Variants in NET1 observed in about 807,000 individuals in gnomAD.
NET1 encodes neuroepithelial cell transforming 1, also known as neuroepithelial cell-transforming gene 1 protein.
NET1 carries 42 observed loss-of-function variants against 61.1 expected under a neutral mutation model. The ratio of observed to expected loss-of-function variants is 0.69; its 90% CI spans 0.54 to 0.89. NET1 has a LOEUF of 0.89. Ranked by LOEUF, NET1 falls within the 40% of genes least tolerant of loss-of-function variation. The pLI is 0.00. For missense variants in NET1, 654 were observed against 747.3 expected, an observed-to-expected ratio of 0.88 and a Z score of 1.46; for synonymous variants, 254 against 281.8, an observed-to-expected ratio of 0.90 and a Z score of 0.99.
In NET1 at chr10:5,412,687, C is replaced by T; in HGVS notation, c.-6C>T. ...CCGGCCACCGCCCCACCCCCTCCTC[C>T]GTGCCATGGAGCCCGAGCTGGCGGC... On this transcript the variant is annotated 5_prime_UTR_variant, in exon 1 of 12. Coordinates refer to ENST00000355029, the MANE Select transcript of NET1 (RefSeq NM_001047160.3). This position sits in a 1 kb window ranked among gnomAD's most constrained non-coding sequence, Gnocchi z 6.5. 2.7e-6 allele frequency: 4 copies of T among 1,468,446 alleles called. No homozygotes were observed. Among genetic ancestry groups the T allele is most frequent in the Non-Finnish European group, 2.7e-6 (3 of 1,120,684 alleles). The allele number at this position is 1,468,446 out of a possible 1,614,324, so 91.0% of individuals were successfully genotyped here. A position where few individuals can be genotyped will look rare whatever the true frequency, so the allele number is the denominator to read the frequency against.
chr10:5,417,273 G>T lies in NET1; in HGVS notation c.128+4453G>T, dbSNP rs1832099334. Among the ~76,000 whole-genome samples the T allele has an allele frequency of 6.6e-6, 1 of 152,036 alleles. No individual in the cohort carries two copies. The highest frequency in any genetic ancestry group is 6.5e-5 in the Admixed American group (1 of 15,276). On this transcript the variant is annotated intron_variant, in intron 1 of 11. Coordinates refer to ENST00000355029, the MANE Select transcript of NET1 (RefSeq NM_001047160.3). The surrounding 1 kb of genome is among the most constrained non-coding windows in gnomAD (Gnocchi z 5.5). The stretch of plus-strand genomic sequence containing the variant: ...GGGGTTTTTATAGGCACAGGTGGGG[G>T]CGTGCTTTTATAGGCACAGGATGGG...
chr10:5,449,036 G>A lies in NET1; in HGVS notation c.256-2794G>A, dbSNP rs576094083. ...TGGGCCAATTTCTGACGTGTATTCC[G>A]AAAGACACAAATTTTTGTCCCAATC... On this transcript the variant is annotated intron_variant, in intron 3 of 11. Transcript: ENST00000355029. This position sits in a 1 kb window ranked among gnomAD's most constrained non-coding sequence, Gnocchi z 4.4. 4.3e-4 allele frequency among the ~76,000 whole-genome samples: 65 copies of A among 152,206 alleles called. No individual in the cohort carries two copies. The highest frequency in any genetic ancestry group is 1.3e-3 in the African/African-American group (56 of 41,532).
chr10:5,440,511 A>ATGAGG lies in NET1; in HGVS notation c.255+11283_255+11287dup, dbSNP rs1366898721. On this transcript the variant is annotated intron_variant, in intron 3 of 11. Coordinates refer to ENST00000355029, the MANE Select transcript of NET1 (RefSeq NM_001047160.3). This position sits in a 1 kb window ranked among gnomAD's most constrained non-coding sequence, Gnocchi z 4.1. ...TGTAAGAGGCACTCAGATAAACAGA[A>ATGAGG]TGAGGATCTAGTGGAGACTATCACT... is the stretch of plus-strand genomic sequence containing the variant. Among the ~76,000 whole-genome samples, 1 of 152,190 alleles carries ATGAGG rather than the reference A, an allele frequency of 6.6e-6. No homozygotes were observed. The highest frequency in any genetic ancestry group is 1.9e-4 in the East Asian group (1 of 5,202).
chr10:5,445,567 A>G (rs7068596), intron 3 of NET1, among the ~76,000 whole-genome samples: 6,625 of 152,278 alleles, frequency 0.044, 210 homozygotes, highest in South Asian at 0.16. Context: ...ACATACTACC[A>G]TCATATTATA....
Position 5,439,182 on chromosome 10 carries a change from C to T in NET1, c.255+9953C>T, listed in dbSNP as rs1025153359. On this transcript the variant is annotated intron_variant, in intron 3 of 11. Transcript: ENST00000355029. This position sits in a 1 kb window ranked among gnomAD's most constrained non-coding sequence, Gnocchi z 4.8. Reference sequence around the variant, plus strand: ...TATCTGTATGTCATGCCATTTCTCCCTTCACACAGAGTGAACAACCAAGTG... The same window carrying T: ...TATCTGTATGTCATGCCATTTCTCCTTTCACACAGAGTGAACAACCAAGTG... 2.2e-4 allele frequency among the ~76,000 whole-genome samples: 34 copies of T among 152,346 alleles called. No individual in the cohort carries two copies. Among genetic ancestry groups the T allele is most frequent in the African/African-American group, 7.9e-4 (33 of 41,584 alleles).
rs1832523927 is a variant in NET1, at chr10:5,441,443, CTTAAG to C, written c.256-10386_256-10382del. 6.6e-6 allele frequency among the ~76,000 whole-genome samples: 1 copy of C among 152,168 alleles called. No homozygotes were observed. Among genetic ancestry groups the C allele is most frequent in the Non-Finnish European group, 1.5e-5 (1 of 68,030 alleles). ...TATCCTTTTGTCTTTAGTTTGGGGC[CTTAAG>C]CTGAAGTTCAGGGAAAAATGGGAGG... On this transcript the variant is annotated intron_variant, in intron 3 of 11. Transcript: ENST00000355029. This position sits in a 1 kb window ranked among gnomAD's most constrained non-coding sequence, Gnocchi z 4.6.
rs749346073 is a variant in NET1, at chr10:5,454,611, A to T, written c.1026+89A>T. On this transcript the variant is annotated intron_variant, in intron 9 of 11. Transcript: ENST00000355029. This position sits in a 1 kb window ranked among gnomAD's most constrained non-coding sequence, Gnocchi z 8.1. Reference sequence around the variant, plus strand: ...TTATCTTCTGAAGATGCTGATTCACATCAGCATAGTGAATTGTTTTGTTGT... The same window carrying T: ...TTATCTTCTGAAGATGCTGATTCACTTCAGCATAGTGAATTGTTTTGTTGT... The T allele has an allele frequency of 7.0e-7, 1 of 1,430,420 alleles. No individual in the cohort carries two copies. The highest frequency in any genetic ancestry group is 9.5e-7 in the Non-Finnish European group (1 of 1,053,560). The allele number at this position is 1,430,420 out of a possible 1,614,324, so 88.6% of individuals were successfully genotyped here. A position where few individuals can be genotyped will look rare whatever the true frequency, so the allele number is the denominator to read the frequency against.
At position 5,453,655 on chromosome 10, in the gene NET1, C is replaced by G. The variant is rs2119214438; in HGVS notation, c.768+95C>G. 1 of 1,086,206 alleles carries G rather than the reference C, an allele frequency of 9.2e-7. No homozygotes were observed. Among genetic ancestry groups the G allele is most frequent in the East Asian group, 2.4e-5 (1 of 42,238 alleles). The allele number at this position is 1,086,206 out of a possible 1,614,324, so 67.3% of individuals were successfully genotyped here. A position where few individuals can be genotyped will look rare whatever the true frequency, so the allele number is the denominator to read the frequency against. ...ATGAGACAGATTTGATCCCACAACTCTGTTCTACAAACACATAAGGCGTTA... is the reference window on the plus strand; with the variant it reads ...ATGAGACAGATTTGATCCCACAACTGTGTTCTACAAACACATAAGGCGTTA... On this transcript the variant is annotated intron_variant, in intron 8 of 11. Coordinates refer to ENST00000355029, the MANE Select transcript of NET1 (RefSeq NM_001047160.3). The surrounding 1 kb of genome is among the most constrained non-coding windows in gnomAD (Gnocchi z 4.9).
In NET1 at chr10:5,458,803, T is replaced by C. The variant is rs899104544; in HGVS notation, c.*1809T>C. Among the ~76,000 whole-genome samples the C allele has an allele frequency of 6.6e-6, 1 of 152,218 alleles. No individual in the cohort carries two copies. The highest frequency in any genetic ancestry group is 2.4e-5 in the African/African-American group (1 of 41,442). On this transcript the variant is annotated 3_prime_UTR_variant, in exon 12 of 12. Coordinates refer to ENST00000355029, the MANE Select transcript of NET1 (RefSeq NM_001047160.3). The surrounding 1 kb of genome is among the most constrained non-coding windows in gnomAD (Gnocchi z 4.5). ...GTCTTTGGAAATTCACATTCATAAG[T>C]GTATATTACACCAATGATTGTGATC...
At position 5,456,055 on chromosome 10, in the gene NET1, T is replaced by G; in HGVS notation, c.1198-32T>G. ...TTTCAGTCACTTAAAAACACAAGTT[T>G]CCTATTTAGCGTTTGTTTCCCATTT... On this transcript the variant is annotated intron_variant, in intron 10 of 11. Transcript: ENST00000355029. The surrounding 1 kb of genome is among the most constrained non-coding windows in gnomAD (Gnocchi z 7.0). 6.3e-7 allele frequency: 1 copy of G among 1,581,294 alleles called. No individual in the cohort carries two copies. Among genetic ancestry groups the G allele is most frequent in the Non-Finnish European group, 8.6e-7 (1 of 1,160,354 alleles).
Position 5,456,423 on chromosome 10 carries a change from C to T in NET1, c.1384+150C>T, listed in dbSNP as rs1266747285. 9.7e-7 allele frequency: 1 copy of T among 1,027,114 alleles called. No homozygotes were observed. Among genetic ancestry groups the T allele is most frequent in the Admixed American group, 3.0e-5 (1 of 33,794 alleles). 63.6% of individuals were successfully genotyped at this position (1,027,114 alleles called of 1,614,324 possible). A position where few individuals can be genotyped will look rare whatever the true frequency, so the allele number is the denominator to read the frequency against. On this transcript the variant is annotated intron_variant, in intron 11 of 11. Coordinates refer to ENST00000355029, the MANE Select transcript of NET1 (RefSeq NM_001047160.3). This position sits in a 1 kb window ranked among gnomAD's most constrained non-coding sequence, Gnocchi z 7.0. The stretch of plus-strand genomic sequence containing the variant: ...GTTGTCCAGGCCTTCCCAGCTCGAA[C>T]ACCCGCAGGTGTATCTAAGAAATAA...
chr10:5,413,058 T>C (rs1832028946), intron 1 of NET1, among the ~76,000 whole-genome samples: 1 of 146,080 alleles, frequency 6.8e-6, no homozygotes, highest in African/African-American at 2.5e-5. Flanking sequence ...CGGGGGCCGC[T>C]GGAAGTGAGG....
Position 5,451,760 on chromosome 10 carries a change from C to T in NET1, c.256-70C>T. ...AAAATTGTTTTGTGAGAGGGCTTTACTTTGTCCAAGTTTGTATGAAATCAT... is the reference window on the plus strand; with the variant it reads ...AAAATTGTTTTGTGAGAGGGCTTTATTTTGTCCAAGTTTGTATGAAATCAT... On this transcript the variant is annotated intron_variant, in intron 3 of 11. Coordinates refer to ENST00000355029, the MANE Select transcript of NET1 (RefSeq NM_001047160.3). The surrounding 1 kb of genome is among the most constrained non-coding windows in gnomAD (Gnocchi z 6.1). 8.0e-7 allele frequency: 1 copy of T among 1,257,102 alleles called. No homozygotes were observed. The highest frequency in any genetic ancestry group is 1.1e-6 in the Non-Finnish European group (1 of 886,154). 77.9% of individuals were successfully genotyped at this position (1,257,102 alleles called of 1,614,324 possible). A position where few individuals can be genotyped will look rare whatever the true frequency, so the allele number is the denominator to read the frequency against.
chr10:5,426,749 G>A lies in NET1; in HGVS notation c.195+28G>A, dbSNP rs199941135. The A allele has an allele frequency of 1.1e-4, 166 of 1,488,486 alleles. No homozygotes were observed. The African/African-American group carries it at 2.1e-3, about 19-fold the overall frequency. The allele number at this position is 1,488,486 out of a possible 1,614,324, so 92.2% of individuals were successfully genotyped here. On this transcript the variant is annotated intron_variant, in intron 2 of 11. Coordinates refer to ENST00000355029, the MANE Select transcript of NET1 (RefSeq NM_001047160.3). This position sits in a 1 kb window ranked among gnomAD's most constrained non-coding sequence, Gnocchi z 4.6. The stretch of plus-strand genomic sequence containing the variant: ...GAGTAGATACCTGGGTTTTTATTTC[G>A]AGACATTAGATAGAATTAATTCCCT...
In NET1 at chr10:5,412,701, C is replaced by T. The variant is rs1167704806; in HGVS notation, c.9C>T (p.Pro3=). ME[P]ELAAQKQPRP... ...ACCCCCTCCTCCGTGCCATGGAGCC[C>T]GAGCTGGCGGCTCAGAAGCAGCCTC... The change falls in exon 1 of 12, where the codon CCC becomes CCT. Residue 3 remains proline (P), a synonymous_variant. Coordinates refer to ENST00000355029, the MANE Select transcript of NET1 (RefSeq NM_001047160.3). The surrounding 1 kb of genome is among the most constrained non-coding windows in gnomAD (Gnocchi z 6.5). 9.5e-6 allele frequency: 14 copies of T among 1,473,608 alleles called. No homozygotes were observed. In the Admixed American group the frequency reaches 3.3e-4, roughly 35 times the overall value. 91.3% of individuals were successfully genotyped at this position (1,473,608 alleles called of 1,614,324 possible). A position where few individuals can be genotyped will look rare whatever the true frequency, so the allele number is the denominator to read the frequency against.
rs12570113 is a variant in NET1, at chr10:5,440,327, T to C, written c.255+11098T>C. Among the ~76,000 whole-genome samples, 38,148 of 152,170 alleles carry C rather than the reference T, an allele frequency of 0.25. 5,071 individuals are homozygous for C. The highest frequency in any genetic ancestry group is 0.29 in the Non-Finnish European group (19,680 of 67,994). ...ACTAATGAGGATTGAAAAGAACACA[T>C]AGGCCAGATCAGTAACCACAACCAT... On this transcript the variant is annotated intron_variant, in intron 3 of 11. Coordinates refer to ENST00000355029, the MANE Select transcript of NET1 (RefSeq NM_001047160.3). This position sits in a 1 kb window ranked among gnomAD's most constrained non-coding sequence, Gnocchi z 4.1.
At position 5,427,402 on chromosome 10, in the gene NET1, T is replaced by C. The variant is rs11599856; in HGVS notation, c.195+681T>C. Among the ~76,000 whole-genome samples the C allele has an allele frequency of 3.8e-3, 581 of 152,312 alleles. 1 individual carries two copies. The highest frequency in any genetic ancestry group is 5.9e-3 in the Non-Finnish European group (404 of 68,002). ...TTTTTCCCCTTAGTACAGTCTAATA[T>C]TGCTAGGCAGTTTCCTCCCCACTTC... On this transcript the variant is annotated intron_variant, in intron 2 of 11. Coordinates refer to ENST00000355029, the MANE Select transcript of NET1 (RefSeq NM_001047160.3). The surrounding 1 kb of genome is among the most constrained non-coding windows in gnomAD (Gnocchi z 4.1).
At chr10:5,448,742 G>A (rs1832659150) in intron 3 of NET1, among the ~76,000 whole-genome samples, 1 of 116,994 alleles carries the variant, frequency 8.5e-6, no homozygotes, top group Admixed American at 1.0e-4. Context: ...TCTTGAATTT[G>A]CCATAACGTG....
At chr10:5,432,468 G>C (rs949430696) in intron 3 of NET1, among the ~76,000 whole-genome samples, 4 of 152,028 alleles carry the variant, frequency 2.6e-5, no homozygotes, top group African/African-American at 9.7e-5. Flanking sequence ...AAACCTATAG[G>C]TTATAACATA....
Sources: allele counts gnomAD v4.1 joint callset (sites outside exome capture counted in the v4.1 genomes callset), GRCh38; gene constraint gnomAD v4.1.1; non-coding constraint Gnocchi (gnomAD v3.1); transcripts MANE v1.5; gene names NCBI Gene and HGNC (gene_info 2026-07-23, HGNC 2026-07-21).